The following LARGE1 variants were observed in gnomAD, a reference collection of about 807,000 sequenced individuals.
LARGE1 encodes xylosyl- and glucuronyltransferase LARGE1.
LARGE1 carries 43 observed loss-of-function variants against 87.6 expected under a neutral mutation model. The ratio of observed to expected loss-of-function variants is 0.49; its 90% CI spans 0.38 to 0.63. The LOEUF (loss-of-function observed/expected upper bound fraction) is 0.63, where lower values mean the gene tolerates loss of function less well. Among genes scored for constraint, LARGE1 ranks in the 30% least tolerant of loss-of-function variants. The pLI is 0.00. For missense variants in LARGE1, 802 were observed against 1,000.2 expected (o/e 0.80, Z 2.67); for synonymous variants, 434 against 394.6 (o/e 1.10, Z -1.18).
chr22:33,273,824 A>C lies in LARGE1; in HGVS notation c.*603T>G. On this transcript the variant is annotated 3_prime_UTR_variant, in exon 15 of 15. Transcript: ENST00000397394. ...AAACCCCCAAAGAAAAACAAAACAAAACAGGAGTGACTTTGGGGATAAGGA... is the reference window on the plus strand; with the variant it reads ...AAACCCCCAAAGAAAAACAAAACAACACAGGAGTGACTTTGGGGATAAGGA... 7.7e-6 allele frequency: 3 copies of C among 389,968 alleles called. No homozygotes were observed. Among genetic ancestry groups the C allele is most frequent in the Non-Finnish European group, 9.0e-6 (2 of 221,528 alleles). 24.2% of individuals were successfully genotyped at this position (389,968 alleles called of 1,614,324 possible).
At chr22:33,919,884 T>TC (rs2065895089) in intron 1 of LARGE1, 111 bp downstream of exon 1, 1 of 152,030 alleles carries the variant, frequency 6.6e-6, no homozygotes, top group Non-Finnish European at 1.5e-5. Context: ...GTGCCCGGCC[T>TC]CCCCGCCGGC....
chr22:33,266,193 C>T (rs981080141), intron 11 of LARGE1, among the ~76,000 whole-genome samples: 4 of 145,826 alleles, frequency 2.7e-5, no homozygotes, highest in Admixed American at 2.0e-4. Context: ...ACTGGGGCCA[C>T]GTGGGCCTAG....
At position 33,877,385 on chromosome 22, in the gene LARGE1, A is replaced by T. The variant is rs576467430; in HGVS notation, c.-83+42610T>A. Among the ~76,000 whole-genome samples the T allele has an allele frequency of 1.9e-3, 287 of 151,988 alleles. 2 individuals carry two copies. Among genetic ancestry groups the T allele is most frequent in the African/African-American group, 6.7e-3 (278 of 41,438 alleles). ...AAAGCCCCAAGTATCCTCCAAAAAA[A>T]TTTTTTTTCCCAAGATTTTGTAAGA... On this transcript the variant is annotated intron_variant, in intron 1 of 14. Coordinates refer to ENST00000397394, the MANE Select transcript of LARGE1 (RefSeq NM_133642.5).
At chr22:33,300,402 G>C (rs368411098) in intron 12 of LARGE1, among the ~76,000 whole-genome samples, 9 of 152,304 alleles carry the variant, frequency 5.9e-5, no homozygotes, top group African/African-American at 2.2e-4. Flanking sequence ...TTGAGATAGG[G>C]TGTTGCCCTG....
At chr22:33,768,232 C>G (rs1006684253) in intron 1 of LARGE1, among the ~76,000 whole-genome samples, 1 of 152,122 alleles carries the variant, frequency 6.6e-6, no homozygotes, top group Non-Finnish European at 1.5e-5. Flanking sequence ...TGGCGTGAAC[C>G]CAGGAGGCGG....
intron 11 of LARGE1, among the ~76,000 whole-genome samples, chr22:33,261,155 A>T (rs753440725): frequency 1.3e-5 from 2 of 152,208 alleles, no homozygotes; most frequent in Non-Finnish European, 2.9e-5. Flanking sequence ...ACAGTGGTGA[A>T]CAAGACACGG....
At chr22:33,673,259 G>C (rs1439860336) in intron 2 of LARGE1, among the ~76,000 whole-genome samples, 1 of 152,092 alleles carries the variant, frequency 6.6e-6, no homozygotes, top group African/African-American at 2.4e-5. Context: ...TAGACAACAA[G>C]AGTGAAAATT....
rs148305317 is a variant in LARGE1 at position 33,455,646 on chromosome 22, C to T, written c.788-23381G>A. On this transcript the variant is annotated intron_variant, in intron 6 of 14. Transcript: ENST00000397394. ...GTGTGTGCCCGTAATTCCAGCTACTCGGGAGGCTGAGGCAGGAGAATCGCT... is the reference window on the plus strand; with the variant it reads ...GTGTGTGCCCGTAATTCCAGCTACTTGGGAGGCTGAGGCAGGAGAATCGCT... 6.0e-3 allele frequency among the ~76,000 whole-genome samples: 892 copies of T among 148,868 alleles called. 10 individuals carry two copies. Among genetic ancestry groups the T allele is most frequent in the African/African-American group, 0.021 (859 of 40,284 alleles).
At chr22:33,636,031 T>C (rs1258341060) in intron 3 of LARGE1, among the ~76,000 whole-genome samples, 1 of 152,144 alleles carries the variant, frequency 6.6e-6, no homozygotes, top group Non-Finnish European at 1.5e-5. Context: ...GCAAGGCACA[T>C]AAATGGATGA....
chr22:33,149,947 G>A, the LARGE1 span, among the ~76,000 whole-genome samples: 1 of 152,072 alleles, frequency 6.6e-6, no homozygotes, highest in Non-Finnish European at 1.5e-5. Flanking sequence ...TTTATCACTT[G>A]TCTGTCACCT....
At chr22:33,733,281 G>A (rs1434869754) in intron 2 of LARGE1, 1 of 152,092 alleles carries the variant, frequency 6.6e-6, no homozygotes, top group Admixed American at 6.6e-5. Flanking sequence ...TCCTGGTCCT[G>A]GGCTCTTTGA....
chr22:33,833,327 T>C (rs1302845998), intron 1 of LARGE1, among the ~76,000 whole-genome samples: 1 of 152,166 alleles, frequency 6.6e-6, no homozygotes, highest in Non-Finnish European at 1.5e-5. Context: ...AAGAATATGA[T>C]TGTATTTGAA....
chr22:33,261,972 A>G (rs1381363491), intron 11 of LARGE1, among the ~76,000 whole-genome samples: 1 of 152,234 alleles, frequency 6.6e-6, no homozygotes, highest in African/African-American at 2.4e-5. Context: ...GTGAAGCACT[A>G]CAGCTGAACA....
chr22:33,922,131 C>T (rs991341080), upstream of LARGE1, among the ~76,000 whole-genome samples: 8 of 152,124 alleles, frequency 5.3e-5, no homozygotes, highest in Non-Finnish European at 7.4e-5. Context: ...CCTCTCCGCT[C>T]TCCAGGACTC....
chr22:33,892,431 T>C (rs1320946271), intron 1 of LARGE1, among the ~76,000 whole-genome samples: 1 of 152,160 alleles, frequency 6.6e-6, no homozygotes, highest in Non-Finnish European at 1.5e-5. Flanking sequence ...AAAACTGGCA[T>C]ACCATCCCCT....
intron 7 of LARGE1, among the ~76,000 whole-genome samples, chr22:33,420,577 G>A (rs1358551473): frequency 6.6e-6 from 1 of 152,082 alleles, no homozygotes; most frequent in African/African-American, 2.4e-5. Context: ...AGCGAGTGTG[G>A]GGAACACTTC....
chr22:33,446,315 A>G (rs1386974241), intron 6 of LARGE1, among the ~76,000 whole-genome samples: 1 of 152,194 alleles, frequency 6.6e-6, no homozygotes, highest in Non-Finnish European at 1.5e-5. Flanking sequence ...AACCTGCAAC[A>G]GAAAGTAAAA....
intron 3 of LARGE1, among the ~76,000 whole-genome samples, chr22:33,631,100 G>A (rs1346444242): frequency 2.0e-5 from 3 of 152,034 alleles, no homozygotes; most frequent in Non-Finnish European, 4.4e-5. Context: ...TGATCCACCC[G>A]CCTCAGCCTC....
intron 11 of LARGE1, among the ~76,000 whole-genome samples, chr22:33,309,368 T>C (rs1193002845): frequency 3.3e-5 from 5 of 152,156 alleles, no homozygotes; most frequent in Non-Finnish European, 7.4e-5. Context: ...GATTTCGCCA[T>C]GTTGGCCAGG....
Sources: allele counts gnomAD v4.1 joint callset (sites outside exome capture counted in the v4.1 genomes callset), GRCh38; gene constraint gnomAD v4.1.1; transcripts MANE v1.5; gene names NCBI Gene and HGNC (gene_info 2026-07-23, HGNC 2026-07-21).